SPECC1L: variants seen among roughly 807,000 people sequenced by gnomAD.
SPECC1L encodes cytospin-A.
A neutral mutation model predicts 116.8 loss-of-function variants in SPECC1L; 40 were observed. The observed-to-expected ratio is 0.34, with a 90% confidence interval of 0.27 to 0.45. The LOEUF is 0.45. Ranked by LOEUF, SPECC1L falls within the 20% of genes least tolerant of loss-of-function variation. SPECC1L has a pLI of 1.00. For synonymous variants in SPECC1L, 504 were observed against 500.6 expected, an observed-to-expected ratio of 1.01 and a Z score of -0.09; for missense variants, 1,110 against 1,373.6, an observed-to-expected ratio of 0.81 and a Z score of 3.03.
intron 3 of SPECC1L, among the ~76,000 whole-genome samples, chr22:24,309,910 G>A (rs1354610983): frequency 6.6e-6 from 1 of 151,994 alleles, no homozygotes; most frequent in African/African-American, 2.4e-5. Flanking sequence ...ACACTAACAT[G>A]GCTCCACGAG....
chr22:24,355,341 A>G (rs138537579), intron 11 of SPECC1L, among the ~76,000 whole-genome samples: 1,603 of 150,986 alleles, frequency 0.011, 27 homozygotes, highest in African/African-American at 0.036. Flanking sequence ...GCTCATTGCT[A>G]CTGGGGTTTC....
At chr22:24,295,073 C>CTG (rs1556161959) in intron 2 of SPECC1L, among the ~76,000 whole-genome samples, 1 of 151,196 alleles carries the variant, frequency 6.6e-6, no homozygotes, top group African/African-American at 2.4e-5. Context: ...CTGGAGCTTC[C>CTG]TGTGTGGCTG....
chr22:24,319,666 T>C (rs1316550555), intron 4 of SPECC1L, among the ~76,000 whole-genome samples: 2 of 152,252 alleles, frequency 1.3e-5, no homozygotes, highest in East Asian at 3.8e-4. Flanking sequence ...ACTGTGTGAC[T>C]GTACTTTTCC....
intron 13 of SPECC1L, among the ~76,000 whole-genome samples, chr22:24,366,100 A>T (rs1399858833): frequency 6.6e-6 from 1 of 152,098 alleles, no homozygotes; most frequent in African/African-American, 2.4e-5. Flanking sequence ...TAGATTCAGT[A>T]GACTGATACA....
intron 2 of SPECC1L, among the ~76,000 whole-genome samples, chr22:24,297,205 T>G (rs1601513675): frequency 6.6e-6 from 1 of 150,820 alleles, no homozygotes; most frequent in Admixed American, 6.6e-5. Context: ...AGTGCTGGGA[T>G]TACAAGCATG....
At chr22:24,309,250 C>T (rs1293345311) in intron 3 of SPECC1L, among the ~76,000 whole-genome samples, 1 of 152,210 alleles carries the variant, frequency 6.6e-6, no homozygotes, top group African/African-American at 2.4e-5. Flanking sequence ...TCATAATAGC[C>T]TTTCCACATC....
chr22:24,274,485 G>A (rs377149636), intron 1 of SPECC1L, among the ~76,000 whole-genome samples: 2 of 152,172 alleles, frequency 1.3e-5, no homozygotes, highest in Non-Finnish European at 2.9e-5. Context: ...TACTTCTTCA[G>A]AATAGTAGTT....
In SPECC1L at chr22:24,365,614, C is replaced by A; in HGVS notation, c.2966C>A (p.Thr989Asn). 6.2e-7 allele frequency: 1 copy of A among 1,614,202 alleles called. No individual in the cohort carries two copies. The highest frequency in any genetic ancestry group is 8.5e-7 in the Non-Finnish European group (1 of 1,180,044). The change falls in exon 13 of 17, where the codon ACC (threonine) becomes AAC (asparagine). Residue 989 changes from threonine (T) to asparagine (N), a missense_variant. Thr to Asn is a moderately conservative substitution (Grantham distance 65). Transcript: ENST00000314328. ...TCTCCAACGGCATCTGTGACTCCCA[C>A]CACCCGAAGCCGAATAAGGTAGAGA... ...SSSPTASVTP[T>N]TRSRIREERK...
chr22:24,318,426 CAGG>C (rs2040648920), intron 4 of SPECC1L, among the ~76,000 whole-genome samples: 1 of 152,114 alleles, frequency 6.6e-6, no homozygotes, highest in South Asian at 2.1e-4. Flanking sequence ...CAGGCTGAGG[CAGG>C]AGAATCAGGC....
intron 3 of SPECC1L, among the ~76,000 whole-genome samples, chr22:24,309,486 C>T (rs1163592874): frequency 6.6e-6 from 1 of 151,994 alleles, no homozygotes; most frequent in Non-Finnish European, 1.5e-5. Flanking sequence ...CTGCAACGTC[C>T]GTCTCCCGGG....
At chr22:24,338,534 C>G in intron 10 of SPECC1L, 57 bp downstream of exon 10, 1 of 1,471,050 alleles carries the variant, frequency 6.8e-7, no homozygotes, top group Non-Finnish European at 9.5e-7. Flanking sequence ...AAGTTGAGGC[C>G]TTTTCTTCAC....
intron 14 of SPECC1L, among the ~76,000 whole-genome samples, chr22:24,382,742 C>T (rs1394534001): frequency 1.3e-5 from 2 of 149,184 alleles, no homozygotes; most frequent in African/African-American, 4.9e-5. Flanking sequence ...ATGAACTCAG[C>T]CAGCATGGTG....
In SPECC1L at chr22:24,415,483, A is replaced by AG. The variant is rs2042784970; in HGVS notation, c.*861dup. On this transcript the variant is annotated 3_prime_UTR_variant, in exon 17 of 17. Coordinates refer to ENST00000314328, the MANE Select transcript of SPECC1L (RefSeq NM_015330.6). ...GTCGCTCCTGTTCTGTTAGTACCAAAGTTACATTGTTTCAATAAGCATAGA... is the reference window on the plus strand; with the variant it reads ...GTCGCTCCTGTTCTGTTAGTACCAAAGGTTACATTGTTTCAATAAGCATAGA... 6.6e-6 allele frequency: 1 copy of AG among 152,640 alleles called. No homozygotes were observed. 9.5% of individuals were successfully genotyped at this position (152,640 alleles called of 1,614,324 possible).
chr22:24,347,242 C>G, intron 11 of SPECC1L, 66 bp downstream of exon 11: 1 of 1,222,100 alleles, frequency 8.2e-7, no homozygotes, highest in Admixed American at 1.7e-5. Flanking sequence ...GCTTTTTTGG[C>G]AAACTAAATA....
At chr22:24,355,454 TCCAC>T (rs555951163) in intron 11 of SPECC1L, among the ~76,000 whole-genome samples, 2 of 150,342 alleles carry the variant, frequency 1.3e-5, no homozygotes, top group Non-Finnish European at 2.9e-5. Flanking sequence ...TACCTACCTA[TCCAC>T]CCACCCACCT....
chr22:24,309,929 A>G (rs1346836564), intron 3 of SPECC1L, among the ~76,000 whole-genome samples: 1 of 152,198 alleles, frequency 6.6e-6, no homozygotes, highest in East Asian at 1.9e-4. Flanking sequence ...AGTCAGAACT[A>G]TATGAGAAGA....
chr22:24,383,792 A>ATTTTTTTTTTTTTTTTTTTT lies in SPECC1L; in HGVS notation c.3087+14493_3087+14512dup, dbSNP rs538972717. 1.0e-4 allele frequency among the ~76,000 whole-genome samples: 8 copies of ATTTTTTTTTTTTTTTTTTTT among 77,328 alleles called. 1 individual carries two copies. The highest frequency in any genetic ancestry group is 1.6e-4 in the Non-Finnish European group (7 of 42,896). 50.7% of individuals were successfully genotyped at this position (77,328 alleles called of 152,430 possible). A position where few individuals can be genotyped will look rare whatever the true frequency, so the allele number is the denominator to read the frequency against. On this transcript the variant is annotated intron_variant, in intron 14 of 16. Coordinates refer to ENST00000314328, the MANE Select transcript of SPECC1L (RefSeq NM_015330.6). ...GCTGGGATTACAGGCACCCACCACT[A>ATTTTTTTTTTTTTTTTTTTT]TTTTTTTTTTTTTTTTTTTTTTTTT...
intron 14 of SPECC1L, among the ~76,000 whole-genome samples, chr22:24,392,296 A>G (rs189525529): frequency 7.1e-4 from 108 of 152,366 alleles, no homozygotes; most frequent in African/African-American, 2.5e-3. Flanking sequence ...CAGAATCATT[A>G]AATTCTCTGG....
intron 7 of SPECC1L, 134 bp from the exon 8 acceptor site, chr22:24,330,122 T>G: frequency 2.3e-6 from 2 of 861,290 alleles, no homozygotes; most frequent in Non-Finnish European, 3.7e-6. Flanking sequence ...AGCAATTCTC[T>G]GGGATTAAAA....
Sources: gnomAD v4.1 joint callset for allele counts (sites outside exome capture counted in the v4.1 genomes callset) on GRCh38, gnomAD v4.1.1 for gene constraint, MANE v1.5 for transcripts, NCBI Gene and HGNC (gene_info 2026-07-23, HGNC 2026-07-21) for gene names.